CMIP: variants seen among roughly 807,000 people sequenced by gnomAD.
CMIP encodes c-Maf inducing protein, also known as C-Maf-inducing protein.
A neutral mutation model predicts 97.3 loss-of-function variants in CMIP; 13 were observed. The ratio of observed to expected loss-of-function variants is 0.13; its 90% CI spans 0.09 to 0.21. The LOEUF (loss-of-function observed/expected upper bound fraction) is 0.21. Among genes scored for constraint, CMIP ranks in the 10% least tolerant of loss-of-function variants. The pLI is 1.00. For synonymous variants in CMIP, 538 were observed against 436.3 expected, an observed-to-expected ratio of 1.23 and a Z score of -2.91; for missense variants, 847 against 1,024.9, an observed-to-expected ratio of 0.83 and a Z score of 2.37.
rs571729590 is a variant in CMIP, at chr16:81,471,238, A to G, written c.300+25697A>G. ...CATACATGTACACATACATGCACACATAGAAATACATATACACATACCATA... is the reference window on the plus strand; with the variant it reads ...CATACATGTACACATACATGCACACGTAGAAATACATATACACATACCATA... On this transcript the variant is annotated intron_variant, in intron 1 of 20. Coordinates refer to ENST00000537098, the MANE Select transcript of CMIP (RefSeq NM_198390.3). 2.0e-5 allele frequency among the ~76,000 whole-genome samples: 3 copies of G among 152,302 alleles called. No individual in the cohort carries two copies. In the South Asian group the frequency reaches 6.2e-4, roughly 32 times the overall value.
chr16:81,551,642 C>A (rs1426502531), intron 1 of CMIP, among the ~76,000 whole-genome samples: 1 of 152,222 alleles, frequency 6.6e-6, no homozygotes, highest in Non-Finnish European at 1.5e-5. Flanking sequence ...TCTCTCCACA[C>A]TGTCTGGAAG....
intron 7 of CMIP, chr16:81,666,378 C>G (rs969659478): frequency 6.6e-6 from 1 of 152,086 alleles, no homozygotes; most frequent in African/African-American, 2.4e-5. Flanking sequence ...GTCAATAAAC[C>G]GTTTCATAAG....
intron 1 of CMIP, among the ~76,000 whole-genome samples, chr16:81,451,566 A>C (rs1906217540): frequency 6.6e-6 from 1 of 152,138 alleles, no homozygotes; most frequent in Non-Finnish European, 1.5e-5. Context: ...GGGGGAGCTG[A>C]GCCTCCTTTT....
intron 1 of CMIP, among the ~76,000 whole-genome samples, chr16:81,535,931 G>A (rs192898964): frequency 2.6e-4 from 39 of 152,286 alleles, no homozygotes; most frequent in African/African-American, 8.9e-4. Context: ...ACTTCAAGGC[G>A]AGAGCATCTT....
chr16:81,685,248 G>T (rs1905259769), intron 10 of CMIP, among the ~76,000 whole-genome samples: 2 of 152,194 alleles, frequency 1.3e-5, no homozygotes, highest in African/African-American at 4.8e-5. Context: ...TGTGGGAGCT[G>T]CCAGGAAGCG....
Position 81,603,361 on chromosome 16 carries a change from C to T in CMIP, c.301-4206C>T, listed in dbSNP as rs574490507. ...CCTCCCAAAGTGCTGGGATTACAGGCGTGAGCCACCGCGCCCGGCCTTGTT... is the reference window on the plus strand; with the variant it reads ...CCTCCCAAAGTGCTGGGATTACAGGTGTGAGCCACCGCGCCCGGCCTTGTT... On this transcript the variant is annotated intron_variant, in intron 1 of 20. Transcript: ENST00000537098. 9 of 454,056 alleles carry T rather than the reference C, an allele frequency of 2.0e-5. No homozygotes were observed. In the East Asian group the frequency reaches 4.9e-4, roughly 25 times the overall value. 28.1% of individuals were successfully genotyped at this position (454,056 alleles called of 1,614,324 possible).
intron 9 of CMIP, 38 bp from the exon 10 acceptor site, chr16:81,678,237 G>T: frequency 6.7e-7 from 1 of 1,492,162 alleles, no homozygotes; most frequent in Non-Finnish European, 9.0e-7. Flanking sequence ...CATGAACGGT[G>T]CCTGTACTCA....
At position 81,623,267 on chromosome 16, in the gene CMIP, C is replaced by G. The variant is rs550019367; in HGVS notation, c.477+2341C>G. On this transcript the variant is annotated intron_variant, in intron 3 of 20. Coordinates refer to ENST00000537098, the MANE Select transcript of CMIP (RefSeq NM_198390.3). ...GACAGTTGATTGAGCAAGTCCAGAA[C>G]TGGGATCACTGTGTTTCTAGCAGCT... Among the ~76,000 whole-genome samples, 7 of 152,354 alleles carry G rather than the reference C, an allele frequency of 4.6e-5. No homozygotes were observed. In the South Asian group the frequency reaches 1.2e-3, roughly 27 times the overall value.
intron 1 of CMIP, among the ~76,000 whole-genome samples, chr16:81,479,541 C>T (rs1195866090): frequency 6.6e-6 from 1 of 152,120 alleles, no homozygotes; most frequent in Non-Finnish European, 1.5e-5. Flanking sequence ...ACCATTCTCT[C>T]TTCATTTTCT....
At chr16:81,594,321 G>A (rs915138840) in intron 1 of CMIP, among the ~76,000 whole-genome samples, 6 of 151,442 alleles carry the variant, frequency 4.0e-5, no homozygotes, top group African/African-American at 1.5e-4. Flanking sequence ...GTTTCGCCAT[G>A]TTGTCCAGGC....
chr16:81,530,399 G>A (rs1002636170), intron 1 of CMIP, among the ~76,000 whole-genome samples: 7 of 152,130 alleles, frequency 4.6e-5, no homozygotes, highest in African/African-American at 1.4e-4. Flanking sequence ...GCGCTGCAAG[G>A]TGGGGTGTGT....
intron 2 of CMIP, chr16:81,610,261 C>A: frequency 1.0e-6 from 1 of 966,634 alleles, no homozygotes; most frequent in Non-Finnish European, 1.2e-6. Context: ...TGTGATGACT[C>A]GCCTGGCCGC....
intron 10 of CMIP, among the ~76,000 whole-genome samples, chr16:81,685,511 G>A (rs1248946113): frequency 6.6e-6 from 1 of 151,956 alleles, no homozygotes; most frequent in Non-Finnish European, 1.5e-5. Flanking sequence ...TTTCTGCATG[G>A]AATATGCTTT....
intron 1 of CMIP, among the ~76,000 whole-genome samples, chr16:81,531,230 G>A (rs1434777424): frequency 6.6e-6 from 1 of 152,154 alleles, no homozygotes; most frequent in Non-Finnish European, 1.5e-5. Context: ...CGAGCACCGT[G>A]TGACAGCAGA....
chr16:81,467,584 TA>T (rs1907279655), intron 1 of CMIP, among the ~76,000 whole-genome samples: 2 of 151,716 alleles, frequency 1.3e-5, no homozygotes, highest in South Asian at 4.1e-4. Context: ...TTTTCTTCTT[TA>T]TTTTTTTTTT....
At chr16:81,567,609 C>T (rs1330019398) in intron 1 of CMIP, among the ~76,000 whole-genome samples, 12 of 152,326 alleles carry the variant, frequency 7.9e-5, no homozygotes, top group Non-Finnish European at 1.2e-4. Context: ...TGGGAAGTGT[C>T]GGCCCCTTGC....
chr16:81,678,202 T>A, intron 9 of CMIP, 73 bp from the exon 10 acceptor site: 1 of 1,194,198 alleles, frequency 8.4e-7, no homozygotes, highest in Non-Finnish European at 1.2e-6. Context: ...CAGGGAGGCC[T>A]TTAGTCTGAT....
intron 3 of CMIP, among the ~76,000 whole-genome samples, chr16:81,642,081 A>G (rs991052528): frequency 6.6e-6 from 1 of 152,276 alleles, no homozygotes; most frequent in African/African-American, 2.4e-5. Flanking sequence ...GACCTGGCCT[A>G]TGGAGTGCCC....
chr16:81,696,346 C>T (rs1906715989), intron 13 of CMIP: 3 of 600,282 alleles, frequency 5.0e-6, no homozygotes, highest in African/African-American at 1.9e-5. Flanking sequence ...AGCCAGTAGC[C>T]AGAGTCCCCT....
Sources: allele counts gnomAD v4.1 joint callset (sites outside exome capture counted in the v4.1 genomes callset), GRCh38; gene constraint gnomAD v4.1.1; transcripts MANE v1.5; gene names NCBI Gene and HGNC (gene_info 2026-07-23, HGNC 2026-07-21).